Variants in CATSPERT observed in about 807,000 individuals in gnomAD.
The protein encoded by CATSPERT is catsper channel auxiliary subunit tau, also known as cation channel sperm-associated targeting subunit tau.
chr2:201,493,623 A>G, the CATSPERT span: 1 of 1,537,304 alleles, frequency 6.5e-7, no homozygotes, highest in Non-Finnish European at 8.7e-7. Flanking sequence ...GAAATAGAAT[A>G]TGTGATGACA....
the CATSPERT span, among the ~76,000 whole-genome samples, chr2:201,545,358 A>C: frequency 6.6e-6 from 1 of 152,046 alleles, no homozygotes; most frequent in East Asian, 1.9e-4. Flanking sequence ...TAAAACTCGT[A>C]ATAGGGTCTA....
the CATSPERT span, among the ~76,000 whole-genome samples, chr2:201,616,191 T>A: frequency 6.6e-6 from 1 of 152,174 alleles, no homozygotes; most frequent in East Asian, 1.9e-4. Context: ...CAGGGAATCA[T>A]CCCAAATTTA....
the CATSPERT span, among the ~76,000 whole-genome samples, chr2:201,542,972 T>G: frequency 6.6e-6 from 1 of 152,212 alleles, no homozygotes; most frequent in African/African-American, 2.4e-5. Context: ...TCTAGGAGTT[T>G]TACAGTTTCC....
the CATSPERT span, among the ~76,000 whole-genome samples, chr2:201,598,684 C>T: frequency 3.3e-5 from 5 of 151,970 alleles, no homozygotes; most frequent in African/African-American, 9.7e-5. Context: ...CGGGTTCAAG[C>T]GATTCTCTTG....
the CATSPERT span, among the ~76,000 whole-genome samples, chr2:201,587,136 C>A: frequency 2.0e-4 from 30 of 152,254 alleles, no homozygotes; most frequent in African/African-American, 7.0e-4. Context: ...TACACCTCCT[C>A]ATTCTCTGTG....
chr2:201,543,407 G>A, the CATSPERT span, among the ~76,000 whole-genome samples: 1 of 152,152 alleles, frequency 6.6e-6, no homozygotes, highest in Non-Finnish European at 1.5e-5. Flanking sequence ...AATTTTGATA[G>A]AGATTGCACT....
At chr2:201,582,815 C>A in the CATSPERT span, among the ~76,000 whole-genome samples, 1 of 152,040 alleles carries the variant, frequency 6.6e-6, no homozygotes, top group African/African-American at 2.4e-5. Flanking sequence ...AGTCATGCCT[C>A]CCCACTCCTA....
chr2:201,545,403 G>A, the CATSPERT span: 2 of 566,566 alleles, frequency 3.5e-6, no homozygotes, highest in Non-Finnish European at 5.9e-6. Flanking sequence ...CCTACCATAT[G>A]CCAAAACTAT....
chr2:201,536,444 T>A, the CATSPERT span: 1 of 1,228,106 alleles, frequency 8.1e-7, no homozygotes. Flanking sequence ...ATTACCATTA[T>A]TATTTGTAAA....
the CATSPERT span, among the ~76,000 whole-genome samples, chr2:201,586,181 T>C: frequency 2.6e-5 from 4 of 152,124 alleles, no homozygotes; most frequent in South Asian, 6.2e-4. Context: ...ATACAAAATA[T>C]GTGTCGATCA....
the CATSPERT span, chr2:201,601,764 T>C: frequency 6.2e-7 from 1 of 1,611,772 alleles, no homozygotes; most frequent in Admixed American, 1.7e-5. Context: ...CTTCACTTCA[T>C]CGAACTTAAT....
the CATSPERT span, among the ~76,000 whole-genome samples, chr2:201,591,988 G>T: frequency 6.6e-6 from 1 of 152,078 alleles, no homozygotes; most frequent in Non-Finnish European, 1.5e-5. Context: ...TCCTTCTCCT[G>T]ACTAATTGCC....
the CATSPERT span, chr2:201,574,395 C>T: frequency 1.4e-6 from 1 of 732,290 alleles, no homozygotes. Flanking sequence ...TATGAATCTC[C>T]TGACTTTTAA....
chr2:201,530,849 T>C, the CATSPERT span, among the ~76,000 whole-genome samples: 1 of 152,158 alleles, frequency 6.6e-6, no homozygotes, highest in Non-Finnish European at 1.5e-5. Flanking sequence ...GCATTTCCTA[T>C]GACTATGTGA....
the CATSPERT span, among the ~76,000 whole-genome samples, chr2:201,566,723 A>ATT: frequency 6.6e-6 from 1 of 152,252 alleles, no homozygotes; most frequent in Non-Finnish European, 1.5e-5. Flanking sequence ...TATACCCAGT[A>ATT]TTGGGATGGC....
chr2:201,594,523 C>T, the CATSPERT span, among the ~76,000 whole-genome samples: 16 of 152,236 alleles, frequency 1.1e-4, no homozygotes, highest in South Asian at 4.1e-4. Flanking sequence ...TGAATGTTGG[C>T]CTGCCTTGCT....
At chr2:201,511,600 T>A in the CATSPERT span, 1 of 152,034 alleles carries the variant, frequency 6.6e-6, no homozygotes, top group Non-Finnish European at 1.5e-5. Flanking sequence ...TCATCCTGAC[T>A]TTTGGGGAAA....
chr2:201,605,489 A>T, the CATSPERT span, among the ~76,000 whole-genome samples: 1 of 152,188 alleles, frequency 6.6e-6, no homozygotes, highest in Non-Finnish European at 1.5e-5. Context: ...ACCGAAGAGA[A>T]CAACAGGTTA....
chr2:201,530,324 G>GTAA, the CATSPERT span, among the ~76,000 whole-genome samples: 2 of 152,114 alleles, frequency 1.3e-5, no homozygotes, highest in Non-Finnish European at 2.9e-5. Context: ...TTGTGCTATT[G>GTAA]TAATAGCTAA....
Sources: allele counts gnomAD v4.1 joint callset (sites outside exome capture counted in the v4.1 genomes callset), GRCh38; gene constraint gnomAD v4.1.1; transcripts MANE v1.5; gene names NCBI Gene and HGNC (gene_info 2026-07-23, HGNC 2026-07-21).